Variants in TUT4 observed in about 807,000 individuals in gnomAD.
The protein encoded by TUT4 is terminal uridylyltransferase 4.
Under a neutral mutation model 192.2 loss-of-function variants are expected in TUT4, and 36 were observed. That is an observed-to-expected ratio of 0.19 (90% CI 0.14 to 0.25). The LOEUF is 0.25. Ranked by LOEUF, TUT4 falls within the 10% of genes least tolerant of loss-of-function variation. The pLI is 1.00. For synonymous variants in TUT4, 618 were observed against 666.0 expected, an observed-to-expected ratio of 0.93 and a Z score of 1.11; for missense variants, 1,493 against 1,957.2, an observed-to-expected ratio of 0.76 and a Z score of 4.47.
intron 12 of TUT4, among the ~76,000 whole-genome samples, chr1:52,476,567 G>A (rs1272059360): frequency 6.6e-6 from 1 of 151,934 alleles, no homozygotes; most frequent in African/African-American, 2.4e-5. Flanking sequence ...TGGGGCATCT[G>A]TTACTTTTTG....
At chr1:52,445,914 G>T in intron 23 of TUT4, 43 bp downstream of exon 23, 1 of 1,598,910 alleles carries the variant, frequency 6.3e-7, no homozygotes. Flanking sequence ...ACATTAATGT[G>T]TCAGAGTTTT....
intron 1 of TUT4, among the ~76,000 whole-genome samples, chr1:52,535,695 C>A (rs1320434566): frequency 1.3e-5 from 2 of 152,166 alleles, no homozygotes; most frequent in Admixed American, 1.3e-4. Context: ...GCTCAATAAA[C>A]TTTAAGCAGC....
chr1:52,483,875 A>G (rs1454502502), intron 9 of TUT4, among the ~76,000 whole-genome samples: 5 of 152,160 alleles, frequency 3.3e-5, no homozygotes, highest in African/African-American at 1.2e-4. Context: ...TGATGGACAC[A>G]TATCACCTGC....
chr1:52,482,376 T>C (rs1668700544), intron 9 of TUT4, among the ~76,000 whole-genome samples: 1 of 152,222 alleles, frequency 6.6e-6, no homozygotes, highest in African/African-American at 2.4e-5. Context: ...CATCTCTCTG[T>C]ATATTACTCT....
intron 11 of TUT4, among the ~76,000 whole-genome samples, chr1:52,479,240 T>C (rs1328838641): frequency 6.6e-6 from 1 of 152,188 alleles, no homozygotes; most frequent in African/African-American, 2.4e-5. Flanking sequence ...GAAGGGCTGT[T>C]TGGCTTGTTA....
chr1:52,440,950 GTTCAAAGTTAGTGTTCCCTATCA>G (rs1655329890), intron 24 of TUT4, among the ~76,000 whole-genome samples: 1 of 152,070 alleles, frequency 6.6e-6, no homozygotes, highest in South Asian at 2.1e-4. Flanking sequence ...TTTAATTGGG[GTTCAAAGTTAGTGTTCCCTATCA>G]TTAAAACTGA....
chr1:52,474,792 A>C, intron 13 of TUT4, 40 bp downstream of exon 13: 1 of 1,503,970 alleles, frequency 6.6e-7, no homozygotes. Context: ...TCATACAACA[A>C]CCACAAAATC....
At chr1:52,477,991 A>G in intron 11 of TUT4, 109 bp from the exon 12 acceptor site, 2 of 1,083,736 alleles carry the variant, frequency 1.8e-6, no homozygotes, top group Non-Finnish European at 1.3e-6. Flanking sequence ...CTGAGACATG[A>G]AGGAGTAATT....
At chr1:52,473,995 T>C (rs1666456517) in intron 13 of TUT4, among the ~76,000 whole-genome samples, 2 of 152,152 alleles carry the variant, frequency 1.3e-5, no homozygotes, top group African/African-American at 4.8e-5. Flanking sequence ...TCACTTGAGC[T>C]CACAAGTTCG....
chr1:52,499,906 AC>A lies in TUT4; in HGVS notation c.1000-2724del, dbSNP rs542441826. Among the ~76,000 whole-genome samples the A allele has an allele frequency of 1.5e-4, 22 of 151,612 alleles. 1 individual carries two copies. In the South Asian group the frequency reaches 4.6e-3, roughly 32 times the overall value. On this transcript the variant is annotated intron_variant, in intron 4 of 29. Coordinates refer to ENST00000257177, the MANE Select transcript of TUT4 (RefSeq NM_001009881.3). ...GCCAACATGATGAAACCCCGTCTCT[AC>A]TAAATTAAAAAAATATATATACATA...
intron 15 of TUT4, among the ~76,000 whole-genome samples, chr1:52,466,146 A>G (rs745708459): frequency 6.6e-6 from 1 of 152,164 alleles, no homozygotes; most frequent in Non-Finnish European, 1.5e-5. Flanking sequence ...TGAAATTTCA[A>G]TGATAGCTGA....
intron 1 of TUT4, chr1:52,538,669 G>GAAAAAAAAAAAAAAAA (rs1205554959): frequency 1.0e-5 from 1 of 99,480 alleles, no homozygotes; most frequent in Non-Finnish European, 2.2e-5. Flanking sequence ...GAAAAGAAAA[G>GAAAAAAAAAAAAAAAA]AAAAAAAAAA....
chr1:52,543,461 G>A (rs1162943020), intron 1 of TUT4, among the ~76,000 whole-genome samples: 1 of 150,848 alleles, frequency 6.6e-6, no homozygotes, highest in Non-Finnish European at 1.5e-5. Context: ...CACATTCTAT[G>A]TCCACAGACC....
At chr1:52,474,761 T>G in intron 13 of TUT4, 71 bp downstream of exon 13, 1 of 1,295,668 alleles carries the variant, frequency 7.7e-7, no homozygotes, top group Non-Finnish European at 1.0e-6. Flanking sequence ...TTTACATTTC[T>G]AATCTAAAAA....
At chr1:52,479,148 A>G (rs879703096) in intron 11 of TUT4, among the ~76,000 whole-genome samples, 31 of 152,166 alleles carry the variant, frequency 2.0e-4, no homozygotes, top group Admixed American at 4.6e-4. Context: ...GGGCAAACAC[A>G]CAAAGAATGA....
Position 52,461,025 on chromosome 1 carries a change from A to T in TUT4, c.3321+109T>A, listed in dbSNP as rs1173476049. 3.6e-6 allele frequency: 3 copies of T among 841,448 alleles called. No individual in the cohort carries two copies. In the African/African-American group the frequency reaches 5.1e-5, roughly 14 times the overall value. The allele number at this position is 841,448 out of a possible 1,614,324, so 52.1% of individuals were successfully genotyped here. On this transcript the variant is annotated intron_variant, in intron 19 of 29. Transcript: ENST00000257177. ...TATAATACTGAAAGTTTCTTTTTTAAAAGCTCAGATAAACAAAACTGAGAC... is the reference window on the plus strand; with the variant it reads ...TATAATACTGAAAGTTTCTTTTTTATAAGCTCAGATAAACAAAACTGAGAC...
chr1:52,493,502 C>T (rs2149110756), intron 7 of TUT4, 109 bp downstream of exon 7: 1 of 707,562 alleles, frequency 1.4e-6, no homozygotes, highest in South Asian at 1.7e-5. Context: ...AATGACTCAA[C>T]TATGCCAGCA....
At chr1:52,438,388 C>A in intron 24 of TUT4, 53 bp from the exon 25 acceptor site, 8 of 1,301,350 alleles carry the variant, frequency 6.1e-6, no homozygotes, top group South Asian at 1.3e-5. Context: ...ACTTTTGAAT[C>A]CAAATGGAAA....
intron 1 of TUT4, among the ~76,000 whole-genome samples, chr1:52,530,392 G>A (rs182936032): frequency 6.6e-6 from 1 of 152,052 alleles, no homozygotes; most frequent in East Asian, 1.9e-4. Flanking sequence ...GGGTACAAGA[G>A]ATGTTCCAGT....
Sources: allele counts gnomAD v4.1 joint callset (sites outside exome capture counted in the v4.1 genomes callset), GRCh38; gene constraint gnomAD v4.1.1; transcripts MANE v1.5; gene names NCBI Gene and HGNC (gene_info 2026-07-23, HGNC 2026-07-21).